The following ACOT11 variants were observed in gnomAD, a reference collection of about 807,000 sequenced individuals.
The protein encoded by ACOT11 is acyl-coenzyme A thioesterase 11.
ACOT11 carries 69 observed loss-of-function variants against 77.5 expected under a neutral mutation model. The ratio of observed to expected loss-of-function variants is 0.89; its 90% CI spans 0.73 to 1.09. The LOEUF (loss-of-function observed/expected upper bound fraction) is 1.09. Among genes scored for constraint, ACOT11 ranks in the 50% least tolerant of loss-of-function variants. ACOT11 has a pLI of 0.00. For missense variants in ACOT11, 766 were observed against 813.7 expected, an observed-to-expected ratio of 0.94 and a Z score of 0.71; for synonymous variants, 279 against 313.0, an observed-to-expected ratio of 0.89 and a Z score of 1.15.
intron 15 of ACOT11, chr1:54,623,224 AAGGAGCGAGCGATG>A: frequency 8.5e-7 from 1 of 1,177,064 alleles, no homozygotes. Flanking sequence ...AAGTGGGGAT[AAGGAGCGAGCGATG>A]AGGGAAGCCA....
intron 1 of ACOT11, among the ~76,000 whole-genome samples, chr1:54,581,952 A>C (rs912459368): frequency 6.6e-6 from 1 of 152,032 alleles, no homozygotes; most frequent in Non-Finnish European, 1.5e-5. Context: ...GAAGGAGTGG[A>C]GTCTGAAAGG....
intron 1 of ACOT11, among the ~76,000 whole-genome samples, chr1:54,562,570 C>A (rs1400208222): frequency 7.0e-6 from 1 of 142,904 alleles, no homozygotes; most frequent in Non-Finnish European, 1.6e-5. Context: ...CCCTCCCGGA[C>A]GGGGTGGCTG....
rs748574584 is a variant in ACOT11, at chr1:54,601,288, G to A, written c.904G>A (p.Val302Met). The A allele has an allele frequency of 2.5e-6, 4 of 1,612,156 alleles. No individual in the cohort carries two copies. Among genetic ancestry groups the A allele is most frequent in the East Asian group, 4.5e-5 (2 of 44,888 alleles). Residue 302 changes from valine (V) to methionine (M), a missense_variant, in exon 9 of 16, where the codon GTG becomes ATG. By Grantham distance (21) the Val-to-Met change is conservative. Transcript: ENST00000343744. ...CCTCAGCATGGAGGTGGGCGTGTGC[G>A]TGGAGGCCTATCGCCAGGAGGCTGA... ...FKHSMEVGVC[V>M]EAYRQEAETH... is the part of the protein sequence containing the mutation.
rs1214670163 is a variant in ACOT11, at chr1:54,607,305, A to C, written c.1502+40A>C. ...GCTGTGGGGTGGGGGACACAACTGG[A>C]CAGGGTGGTAGGGTGGCCGCTTCTC... On this transcript the variant is annotated intron_variant, in intron 14 of 15. Transcript: ENST00000343744. This position sits in a 1 kb window ranked among gnomAD's most constrained non-coding sequence, Gnocchi z 4.5. 6.2e-7 allele frequency: 1 copy of C among 1,610,572 alleles called. No homozygotes were observed. Among genetic ancestry groups the C allele is most frequent in the Admixed American group, 1.7e-5 (1 of 59,962 alleles).
At position 54,599,286 on chromosome 1, in the gene ACOT11, G is replaced by T. The variant is rs760115837; in HGVS notation, c.765-10G>T. On this transcript the variant is annotated splice_polypyrimidine_tract_variant and intron_variant, in intron 7 of 15. Coordinates refer to ENST00000343744, the MANE Select transcript of ACOT11 (RefSeq NM_147161.4). Reference sequence around the variant, plus strand: ...GCATTCCTTCTGTCTCCCCACCCCTGCCTCCTCAGCCGGCTCTGCCGTGCC... The same window carrying T: ...GCATTCCTTCTGTCTCCCCACCCCTTCCTCCTCAGCCGGCTCTGCCGTGCC... The T allele has an allele frequency of 6.6e-7, 1 of 1,513,134 alleles. No homozygotes were observed. Among genetic ancestry groups the T allele is most frequent in the Non-Finnish European group, 8.9e-7 (1 of 1,124,322 alleles). 93.7% of individuals were successfully genotyped at this position (1,513,134 alleles called of 1,614,324 possible).
At chr1:54,564,241 A>C (rs1653656480) in intron 1 of ACOT11, among the ~76,000 whole-genome samples, 1 of 152,116 alleles carries the variant, frequency 6.6e-6, no homozygotes, top group Non-Finnish European at 1.5e-5. Context: ...CCCTGTCTCC[A>C]GAAGAAAAAG....
chr1:54,599,209 TATATATATATATATAA>T (rs1341398067), intron 7 of ACOT11, 71 bp from the exon 8 acceptor site: 1,807 of 72,262 alleles, frequency 0.025, 150 homozygotes, highest in African/African-American at 0.12. Flanking sequence ...TATATATATA[TATATATATATATATAA>T]AAATCTGGCC....
intron 1 of ACOT11, among the ~76,000 whole-genome samples, chr1:54,552,699 C>T (rs1653112043): frequency 6.6e-6 from 1 of 152,186 alleles, no homozygotes; most frequent in Non-Finnish European, 1.5e-5. Context: ...GTTGGCCAGG[C>T]TGGTCTTGAA....
chr1:54,598,913 G>C (rs547654361), intron 7 of ACOT11: 3 of 149,520 alleles, frequency 2.0e-5, no homozygotes, highest in Admixed American at 1.3e-4. Context: ...GGGAGGCCGA[G>C]GGGGGTGGAT....
intron 6 of ACOT11, among the ~76,000 whole-genome samples, chr1:54,594,936 G>A (rs943977387): frequency 1.3e-5 from 2 of 152,228 alleles, no homozygotes; most frequent in African/African-American, 4.8e-5. Flanking sequence ...TCCCTTTGTT[G>A]GCCACAAAAC....
chr1:54,582,590 T>G, intron 1 of ACOT11: 3 of 917,436 alleles, frequency 3.3e-6, no homozygotes, highest in Non-Finnish European at 2.6e-6. Flanking sequence ...GAGGAGGGGT[T>G]GACCAGGTGA....
Position 54,585,815 on chromosome 1 carries a change from C to G in ACOT11, c.242-20C>G, listed in dbSNP as rs753878724. 3.1e-6 allele frequency: 5 copies of G among 1,613,660 alleles called. No individual in the cohort carries two copies. Among genetic ancestry groups the G allele is most frequent in the Non-Finnish European group, 4.2e-6 (5 of 1,179,766 alleles). On this transcript the variant is annotated intron_variant, in intron 2 of 15. Coordinates refer to ENST00000343744, the MANE Select transcript of ACOT11 (RefSeq NM_147161.4). ...ATCGGGGGAGGCTGCTAATGTCTGG[C>G]TTTCTTCTGCTGACACCAGCGGAGA... is the stretch of plus-strand genomic sequence containing the variant.
rs191973172 is a variant in ACOT11 at position 54,557,672 on chromosome 1, T to G, written c.33+9330T>G. Among the ~76,000 whole-genome samples, 14 of 152,314 alleles carry G rather than the reference T, an allele frequency of 9.2e-5. No individual in the cohort carries two copies. In the East Asian group the frequency reaches 2.7e-3, roughly 29 times the overall value. On this transcript the variant is annotated intron_variant, in intron 1 of 15. Coordinates refer to ENST00000343744, the MANE Select transcript of ACOT11 (RefSeq NM_147161.4). ...TGGGATTGTTTTCCAGATTTCTTTT[T>G]TAGATAGTTTGCTATTAGTATATAG... is the stretch of plus-strand genomic sequence containing the variant.
At chr1:54,574,493 GGC>G (rs1654034232) in intron 1 of ACOT11, among the ~76,000 whole-genome samples, 1 of 152,216 alleles carries the variant, frequency 6.6e-6, no homozygotes, top group South Asian at 2.1e-4. Context: ...ATAAAAGGAA[GGC>G]AGGACCATGG....
intron 7 of ACOT11, 32 bp downstream of exon 7, chr1:54,597,447 C>T (rs377530147): frequency 5.9e-5 from 92 of 1,566,662 alleles, no homozygotes; most frequent in Admixed American, 3.8e-4. Context: ...TCTGCCTCCC[C>T]TCCTTTCTCC....
chr1:54,592,276 T>C (rs1031382344), intron 3 of ACOT11, among the ~76,000 whole-genome samples: 3 of 152,044 alleles, frequency 2.0e-5, no homozygotes, highest in African/African-American at 7.2e-5. Flanking sequence ...CAGGCATTAA[T>C]TGGACAACGG....
chr1:54,566,454 C>CA (rs34312735), intron 1 of ACOT11, among the ~76,000 whole-genome samples: 2,307 of 94,376 alleles, frequency 0.024, 20 homozygotes, highest in Non-Finnish European at 0.045. Flanking sequence ...AAGACTGTCT[C>CA]AAAAAAAAAA....
At chr1:54,597,598 A>T in intron 7 of ACOT11, 183 bp downstream of exon 7, 1 of 789,076 alleles carries the variant, frequency 1.3e-6, no homozygotes, top group East Asian at 2.7e-5. Flanking sequence ...TAAAAAAGCT[A>T]GCATCTTTTA....
chr1:54,636,234 A>AC (rs1644329772), exon 17 of ACOT11: 1 of 152,110 alleles, frequency 6.6e-6, no homozygotes, highest in African/African-American at 2.4e-5. Flanking sequence ...GGCCCAGGGG[A>AC]CCAGCATTCA....
Sources: allele counts gnomAD v4.1 joint callset (sites outside exome capture counted in the v4.1 genomes callset), GRCh38; gene constraint gnomAD v4.1.1; non-coding constraint Gnocchi (gnomAD v3.1); transcripts MANE v1.5; gene names NCBI Gene and HGNC (gene_info 2026-07-23, HGNC 2026-07-21).